Variants in ATF6 observed in about 807,000 individuals in gnomAD.
ATF6 encodes the protein activating transcription factor 6.
Under a neutral mutation model 83.6 loss-of-function variants are expected in ATF6, and 53 were observed. That is an observed-to-expected ratio of 0.63 (90% CI 0.51 to 0.80). The LOEUF is 0.80. Among genes scored for constraint, ATF6 ranks in the 30% least tolerant of loss-of-function variants. The pLI, the probability that ATF6 is intolerant of heterozygous loss-of-function variation, is 0.00. For missense variants in ATF6, 744 were observed against 797.9 expected, an observed-to-expected ratio of 0.93 and a Z score of 0.81; for synonymous variants, 288 against 285.8, an observed-to-expected ratio of 1.01 and a Z score of -0.08.
chr1:161,769,834 G>T lies in ATF6; in HGVS notation c.82+3392G>T, dbSNP rs967341202. Among the ~76,000 whole-genome samples, 16 of 152,100 alleles carry T rather than the reference G, an allele frequency of 1.1e-4. No individual in the cohort carries two copies. In the South Asian group the frequency reaches 3.3e-3, roughly 32 times the overall value. On this transcript the variant is annotated intron_variant, in intron 1 of 15. Coordinates refer to ENST00000367942, the MANE Select transcript of ATF6 (RefSeq NM_007348.4). Reference sequence around the variant, plus strand: ...GAGAATCTAATGCTGCTGCTGATCTGACAGGTCGTGGAGCTCAGGCGGTAA... The same window carrying T: ...GAGAATCTAATGCTGCTGCTGATCTTACAGGTCGTGGAGCTCAGGCGGTAA...
Position 161,961,222 on chromosome 1 carries a change from A to C in ATF6, c.*2568A>C, listed in dbSNP as rs986016212. On this transcript the variant is annotated 3_prime_UTR_variant, in exon 16 of 16. Coordinates refer to ENST00000367942, the MANE Select transcript of ATF6 (RefSeq NM_007348.4). ...AGCGGTTGGGAGGGAGTCTCCACTG[A>C]AGAGCAGGAAGGTGGTAGCAGGGCC... 2 of 152,296 alleles carry C rather than the reference A, an allele frequency of 1.3e-5. No homozygotes were observed. The highest frequency in any genetic ancestry group is 2.1e-4 in the South Asian group (1 of 4,832). The allele number at this position is 152,296 out of a possible 1,614,324, so 9.4% of individuals were successfully genotyped here.
intron 7 of ATF6, among the ~76,000 whole-genome samples, chr1:161,809,568 A>T (rs1425330379): frequency 6.6e-6 from 1 of 152,166 alleles, no homozygotes; most frequent in African/African-American, 2.4e-5. Context: ...CAGTAATGGG[A>T]TGGTTGGGTC....
chr1:161,817,630 G>A (rs1685645220), intron 7 of ATF6, among the ~76,000 whole-genome samples: 1 of 152,052 alleles, frequency 6.6e-6, no homozygotes, highest in Non-Finnish European at 1.5e-5. Context: ...CAGCCTTTTT[G>A]TAGTTTAAAT....
At position 161,788,636 on chromosome 1, in the gene ATF6, T is replaced by TA. The variant is rs749745442; in HGVS notation, c.355-2771dup. On this transcript the variant is annotated intron_variant, in intron 4 of 15. Coordinates refer to ENST00000367942, the MANE Select transcript of ATF6 (RefSeq NM_007348.4). ...CTTCTATGCTTTTAGAGCACAGAGG[T>TA]ATTCTGCATTTTCTTTTATTAACCA... Among the ~76,000 whole-genome samples the TA allele has an allele frequency of 6.6e-4, 101 of 152,164 alleles. 2 individuals carry two copies. In the Middle Eastern group the frequency reaches 0.027, roughly 41 times the overall value.
At chr1:161,920,294 C>CTCTCTTTTTTTTTTTTTTTTTTT (rs1157916734) in intron 15 of ATF6, among the ~76,000 whole-genome samples, 3 of 54,846 alleles carry the variant, frequency 5.5e-5, no homozygotes, top group African/African-American at 1.5e-4. Context: ...CTCTCTCTCT[C>CTCTCTTTTTTTTTTTTTTTTTTT]TTTTTTTTTT....
chr1:161,834,631 G>T (rs1230395672), intron 9 of ATF6, among the ~76,000 whole-genome samples: 2 of 124,982 alleles, frequency 1.6e-5, no homozygotes, highest in East Asian at 2.6e-4. Context: ...GTTGTGGTGT[G>T]GGGGGAGGGG....
At chr1:161,920,547 G>A (rs1688193187) in intron 15 of ATF6, among the ~76,000 whole-genome samples, 1 of 151,982 alleles carries the variant, frequency 6.6e-6, no homozygotes, top group African/African-American at 2.4e-5. Flanking sequence ...GCCCGCCTCG[G>A]CCTCCCAAAG....
At chr1:161,894,160 T>C (rs1687619194) in intron 14 of ATF6, among the ~76,000 whole-genome samples, 1 of 152,092 alleles carries the variant, frequency 6.6e-6, no homozygotes, top group Non-Finnish European at 1.5e-5. Flanking sequence ...CATTTGCCTG[T>C]TATTAGTACT....
At chr1:161,947,810 CTTTTTTTTTTTTTTT>C (rs10524670) in intron 15 of ATF6, among the ~76,000 whole-genome samples, 3 of 57,548 alleles carry the variant, frequency 5.2e-5, no homozygotes, top group African/African-American at 2.6e-4. Flanking sequence ...TAAGCCACGC[CTTTTTTTTTTTTTTT>C]TTTTTTTTTT....
intron 9 of ATF6, among the ~76,000 whole-genome samples, chr1:161,830,211 G>C (rs946923514): frequency 6.6e-6 from 1 of 152,144 alleles, no homozygotes; most frequent in African/African-American, 2.4e-5. Flanking sequence ...GCTTCAAAGA[G>C]AATAAAATAC....
intron 10 of ATF6, among the ~76,000 whole-genome samples, chr1:161,850,528 T>A (rs1341417898): frequency 6.6e-6 from 1 of 152,232 alleles, no homozygotes. Flanking sequence ...TTCATAGCAC[T>A]TACTAGAGTT....
chr1:161,848,935 T>C (rs1312600534), intron 10 of ATF6, among the ~76,000 whole-genome samples: 1 of 151,918 alleles, frequency 6.6e-6, no homozygotes, highest in African/African-American at 2.4e-5. Context: ...TATCAGACTT[T>C]TTTTTTTTTT....
At chr1:161,952,612 G>A (rs368905535) in intron 15 of ATF6, among the ~76,000 whole-genome samples, 5 of 151,940 alleles carry the variant, frequency 3.3e-5, no homozygotes, top group African/African-American at 1.2e-4. Context: ...TGCCTGTCAT[G>A]TGGTAGGAAT....
At chr1:161,879,170 T>G (rs1193637418) in intron 14 of ATF6, among the ~76,000 whole-genome samples, 1 of 152,124 alleles carries the variant, frequency 6.6e-6, no homozygotes, top group African/African-American at 2.4e-5. Context: ...GAGAAGACAC[T>G]TCTAACAGTT....
Position 161,792,243 on chromosome 1 carries a change from A to C in ATF6, c.604A>C (p.Thr202Pro). ...AACAAACTCCAGTGTTCCAGCAAAA[A>C]CCATCATTATTCAGACAGTACCAAC... is the stretch of plus-strand genomic sequence containing the variant. ...TQTNSSVPAK[T>P]IIIQTVPTLM... The change falls in exon 6 of 16, where the codon ACC becomes CCC. Residue 202 changes from threonine (T) to proline (P), a missense_variant. By Grantham distance (38) the Thr-to-Pro change is conservative. Coordinates refer to ENST00000367942, the MANE Select transcript of ATF6 (RefSeq NM_007348.4). 1.2e-6 allele frequency: 2 copies of C among 1,614,126 alleles called. No homozygotes were observed. Among genetic ancestry groups the C allele is most frequent in the Non-Finnish European group, 1.7e-6 (2 of 1,180,008 alleles).
intron 9 of ATF6, among the ~76,000 whole-genome samples, chr1:161,829,152 A>G (rs1288189001): frequency 6.6e-6 from 1 of 151,176 alleles, no homozygotes; most frequent in Non-Finnish European, 1.5e-5. Flanking sequence ...AGAGACCTAC[A>G]AAGAGACTTA....
intron 14 of ATF6, among the ~76,000 whole-genome samples, chr1:161,873,403 C>CA (rs1687154134): frequency 6.6e-6 from 1 of 151,440 alleles, no homozygotes; most frequent in Non-Finnish European, 1.5e-5. Flanking sequence ...ATGGAGGAAG[C>CA]AATTATTATA....
chr1:161,895,815 T>C (rs1368192071), intron 14 of ATF6, among the ~76,000 whole-genome samples: 1 of 152,238 alleles, frequency 6.6e-6, no homozygotes, highest in Non-Finnish European at 1.5e-5. Flanking sequence ...TCATGCCTTA[T>C]ACTGATTAGA....
intron 7 of ATF6, among the ~76,000 whole-genome samples, chr1:161,802,795 T>C (rs1685188532): frequency 6.6e-6 from 1 of 152,218 alleles, no homozygotes. Context: ...ACTTTCCCAT[T>C]TTTGCAAACC....
Sources: gnomAD v4.1 joint callset for allele counts (sites outside exome capture counted in the v4.1 genomes callset) on GRCh38, gnomAD v4.1.1 for gene constraint, MANE v1.5 for transcripts, NCBI Gene and HGNC (gene_info 2026-07-23, HGNC 2026-07-21) for gene names.